PALM2AKAP2: variants seen among roughly 807,000 people sequenced by gnomAD.
PALM2AKAP2 encodes PALM2-AKAP2 fusion protein.
Under a neutral mutation model 71.5 loss-of-function variants are expected in PALM2AKAP2, and 37 were observed. The ratio of observed to expected loss-of-function variants is 0.52; its 90% CI spans 0.40 to 0.68. PALM2AKAP2 has a LOEUF of 0.68. Ranked by LOEUF, PALM2AKAP2 falls within the 30% of genes least tolerant of loss-of-function variation. The pLI is 0.00. For synonymous variants in PALM2AKAP2, 468 were observed against 478.8 expected (o/e 0.98, Z 0.29); for missense variants, 1,224 against 1,191.8 (o/e 1.03, Z -0.40).
chr9:110,100,764 C>T (rs1229595756), intron 1 of PALM2AKAP2, among the ~76,000 whole-genome samples: 1 of 150,992 alleles, frequency 6.6e-6, no homozygotes, highest in Non-Finnish European at 1.5e-5. Flanking sequence ...TACTACAATT[C>T]CTGGGATATT....
At chr9:110,048,918 C>A in intron 1 of PALM2AKAP2, 1 of 1,421,816 alleles carries the variant, frequency 7.0e-7, no homozygotes, top group Non-Finnish European at 9.2e-7. Flanking sequence ...AAGGGGTGGC[C>A]GAGGAAGGGG....
chr9:109,654,170 T>A (rs1194664480), intron 1 of PALM2AKAP2, among the ~76,000 whole-genome samples: 1 of 152,254 alleles, frequency 6.6e-6, no homozygotes, highest in Non-Finnish European at 1.5e-5. Flanking sequence ...CTCATGTGGC[T>A]GTAAGCCATA....
chr9:109,928,162 G>A (rs1239055610), intron 5 of PALM2AKAP2, among the ~76,000 whole-genome samples: 1 of 152,114 alleles, frequency 6.6e-6, no homozygotes, highest in Non-Finnish European at 1.5e-5. Flanking sequence ...GAGTGCAGTG[G>A]TGCCATCTTG....
intron 1 of PALM2AKAP2, among the ~76,000 whole-genome samples, chr9:109,666,571 T>G (rs1011883817): frequency 6.6e-6 from 1 of 152,202 alleles, no homozygotes; most frequent in Non-Finnish European, 1.5e-5. Flanking sequence ...AAATTTCACT[T>G]CTCTCCCACT....
chr9:110,170,208 A>G (rs1836825674), exon 4 of PALM2AKAP2: 1 of 152,568 alleles, frequency 6.6e-6, no homozygotes, highest in Non-Finnish European at 1.5e-5. Context: ...GGCCATGAGA[A>G]AGAAAAAAAA....
intron 1 of PALM2AKAP2, among the ~76,000 whole-genome samples, chr9:109,786,876 A>G (rs1227694625): frequency 6.6e-6 from 1 of 152,228 alleles, no homozygotes; most frequent in East Asian, 1.9e-4. Flanking sequence ...AAGGAAAACC[A>G]GGGCCCAGTA....
At chr9:109,811,885 C>T (rs1445037111) in intron 1 of PALM2AKAP2, among the ~76,000 whole-genome samples, 2 of 152,200 alleles carry the variant, frequency 1.3e-5, no homozygotes, top group African/African-American at 2.4e-5. Flanking sequence ...ATTGTATTTT[C>T]TTAAAGCAAG....
intron 3 of PALM2AKAP2, 130 bp from the exon 10 acceptor site, chr9:110,161,964 G>A (rs991301228): frequency 2.5e-5 from 30 of 1,213,052 alleles, no homozygotes; most frequent in South Asian, 2.4e-4. Flanking sequence ...TTTGGCATGG[G>A]TGTAGAATGG....
intron 1 of PALM2AKAP2, among the ~76,000 whole-genome samples, chr9:110,088,683 A>ATTAAAGTT (rs1834627770): frequency 8.1e-6 from 1 of 123,572 alleles, no homozygotes; most frequent in Non-Finnish European, 1.7e-5. Context: ...ACAAGTAGCT[A>ATTAAAGTT]TTAAAGTTTG....
chr9:109,780,281 G>T (rs1829417830), upstream of PALM2AKAP2: 1 of 1,210,964 alleles, frequency 8.3e-7, no homozygotes, highest in Admixed American at 4.4e-5. Flanking sequence ...CAGCCAGGCG[G>T]CCGGGAGGGC....
rs146305215 is a variant in PALM2AKAP2, at chr9:110,012,808, A to G, written c.497-3146A>G. On this transcript the variant is annotated intron_variant, in intron 6 of 9. Transcript: ENST00000302798. The stretch of plus-strand genomic sequence containing the variant: ...GGTAGTGTTGCTTACAAAAGGAATG[A>G]TTGTATAATAGCAGAGAAAAAATTC... Among the ~76,000 whole-genome samples the G allele has an allele frequency of 1.2e-3, 182 of 152,318 alleles. 1 individual carries two copies. The highest frequency in any genetic ancestry group is 7.7e-3 in the South Asian group (37 of 4,830).
chr9:109,944,795 AT>A (rs1831464164), intron 6 of PALM2AKAP2: 1 of 152,196 alleles, frequency 6.6e-6, no homozygotes, highest in African/African-American at 2.4e-5. Context: ...AAAGCCACAT[AT>A]GTAGTAAAAC....
chr9:109,867,305 A>G (rs1829477611), intron 1 of PALM2AKAP2, 186 bp from the exon 2 acceptor site: 2 of 578,602 alleles, frequency 3.5e-6, no homozygotes, highest in South Asian at 3.5e-5. Context: ...TACAGCAGAC[A>G]TGTTAGGAGA....
At chr9:110,170,565 TAGCACATGGGCAATTGGCAC>T (rs1365909001) in exon 4 of PALM2AKAP2, 1 of 152,162 alleles carries the variant, frequency 6.6e-6, no homozygotes, top group African/African-American at 2.4e-5. Context: ...GCAGCCCAAA[TAGCACATGGGCAATTGGCAC>T]CATCTTTATA....
chr9:110,167,382 A>G (rs2119288457), intron 3 of PALM2AKAP2, among the ~76,000 whole-genome samples: 1 of 152,370 alleles, frequency 6.6e-6, no homozygotes, highest in African/African-American at 2.4e-5. Flanking sequence ...TGCCAGAACA[A>G]TTGGCAAGAA....
At chr9:109,776,605 G>A (rs187742734), upstream of PALM2AKAP2, among the ~76,000 whole-genome samples, 1 of 152,306 alleles carries the variant, frequency 6.6e-6, no homozygotes, top group Non-Finnish European at 1.5e-5. Context: ...GGGGGATCTG[G>A]GGAACAAGTG....
At chr9:110,143,906 T>G in intron 2 of PALM2AKAP2, among the ~76,000 whole-genome samples, 1 of 152,246 alleles carries the variant, frequency 6.6e-6, no homozygotes, top group East Asian at 1.9e-4. Flanking sequence ...GTTACTTTTG[T>G]AAGCTGTACA....
At chr9:110,036,344 G>C (rs1195741439) in intron 7 of PALM2AKAP2, among the ~76,000 whole-genome samples, 1 of 151,930 alleles carries the variant, frequency 6.6e-6, no homozygotes, top group Non-Finnish European at 1.5e-5. Flanking sequence ...GAAGTATTTG[G>C]GCATGCATCT....
intron 1 of PALM2AKAP2, among the ~76,000 whole-genome samples, chr9:110,067,803 A>C (rs1253994469): frequency 6.6e-6 from 1 of 152,234 alleles, no homozygotes; most frequent in Non-Finnish European, 1.5e-5. Context: ...TCTGATCAAC[A>C]ATTTCCTTTA....
Sources: allele counts gnomAD v4.1 joint callset (sites outside exome capture counted in the v4.1 genomes callset), GRCh38; gene constraint gnomAD v4.1.1; transcripts MANE v1.5; gene names NCBI Gene and HGNC (gene_info 2026-07-23, HGNC 2026-07-21).